Variants in ATXN10 observed in about 807,000 individuals in gnomAD.
The protein encoded by ATXN10 is ataxin-10.
ATXN10 carries 28 observed loss-of-function variants against 52.9 expected under a neutral mutation model. The ratio of observed to expected loss-of-function variants is 0.53; its 90% confidence interval spans 0.39 to 0.73. The LOEUF (loss-of-function observed/expected upper bound fraction) is 0.73. ATXN10 is among the 30% of genes least tolerant of loss of function. ATXN10 has a pLI of 0.00. For synonymous variants in ATXN10, 226 were observed against 221.5 expected (o/e 1.02, Z -0.18); for missense variants, 565 against 577.0 (o/e 0.98, Z 0.21).
rs191560170 is a variant in ATXN10 at position 45,795,598 on chromosome 22, G to C, written c.1174-11361G>C. On this transcript the variant is annotated intron_variant, in intron 9 of 11. Coordinates refer to ENST00000252934, the MANE Select transcript of ATXN10 (RefSeq NM_013236.4). The surrounding 1 kb of genome is among the most constrained non-coding windows in gnomAD (Gnocchi z 4.6). The stretch of plus-strand genomic sequence containing the variant: ...TAATTTTTGTATTTTTAGTAGAGAC[G>C]GTGTTTCGGGAAGTCAGGGACCCTG... 1.3e-5 allele frequency among the ~76,000 whole-genome samples: 2 copies of C among 151,988 alleles called. No individual in the cohort carries two copies. Among genetic ancestry groups the C allele is most frequent in the Admixed American group, 6.6e-5 (1 of 15,238 alleles).
chr22:45,792,159 T>G (rs1927535950), intron 9 of ATXN10, among the ~76,000 whole-genome samples: 1 of 152,184 alleles, frequency 6.6e-6, no homozygotes, highest in Non-Finnish European at 1.5e-5. Flanking sequence ...AAAATAGAAG[T>G]CAATTCTACC....
rs564371260 is a variant in ATXN10 at position 45,763,204 on chromosome 22, G to C, written c.1173+22666G>C. On this transcript the variant is annotated intron_variant, in intron 9 of 11. Transcript: ENST00000252934. The surrounding 1 kb of genome is among the most constrained non-coding windows in gnomAD (Gnocchi z 6.9). ...GGGAGGGCTGCCGGGCAGTGTTCTG[G>C]GGGCAGGGAGGTGGTGGGAGAATCT... is the stretch of plus-strand genomic sequence containing the variant. 4.0e-4 allele frequency among the ~76,000 whole-genome samples: 61 copies of C among 152,284 alleles called. No individual in the cohort carries two copies. Among genetic ancestry groups the C allele is most frequent in the Non-Finnish European group, 6.6e-4 (45 of 68,020 alleles).
chr22:45,728,743 GA>G lies in ATXN10; in HGVS notation c.729-678del, dbSNP rs1456887506. ...TCCTAGGAGAAGGAAAGAGATGGTT[GA>G]AAAGAAATATTTATTTGGTAACTTA... is the stretch of plus-strand genomic sequence containing the variant. On this transcript the variant is annotated intron_variant, in intron 6 of 11. Transcript: ENST00000252934. This position sits in a 1 kb window ranked among gnomAD's most constrained non-coding sequence, Gnocchi z 4.3. 3.3e-5 allele frequency among the ~76,000 whole-genome samples: 5 copies of G among 152,184 alleles called. No individual in the cohort carries two copies. The highest frequency in any genetic ancestry group is 7.3e-5 in the Non-Finnish European group (5 of 68,034).
intron 7 of ATXN10, among the ~76,000 whole-genome samples, chr22:45,730,123 C>T (rs982881525): frequency 2.0e-5 from 3 of 152,106 alleles, no homozygotes; most frequent in East Asian, 1.9e-4. Flanking sequence ...GCGGGAGGAT[C>T]GCTTGAGCCC....
rs1412937483 is a variant in ATXN10, at chr22:45,780,974, G to A, written c.1174-25985G>A. 6.6e-6 allele frequency among the ~76,000 whole-genome samples: 1 copy of A among 152,192 alleles called. No homozygotes were observed. On this transcript the variant is annotated intron_variant, in intron 9 of 11. Coordinates refer to ENST00000252934, the MANE Select transcript of ATXN10 (RefSeq NM_013236.4). The surrounding 1 kb of genome is among the most constrained non-coding windows in gnomAD (Gnocchi z 4.0). Reference sequence around the variant, plus strand: ...GTGGCAAGTTCCCTGGGTTTTCTCAGACTGATTAATGTTAGAGAAGCTGTC... The same window carrying A: ...GTGGCAAGTTCCCTGGGTTTTCTCAAACTGATTAATGTTAGAGAAGCTGTC...
intron 2 of ATXN10, among the ~76,000 whole-genome samples, chr22:45,691,297 G>C (rs1420341313): frequency 6.6e-6 from 1 of 152,228 alleles, no homozygotes; most frequent in African/African-American, 2.4e-5. Context: ...GTGGCTGGCA[G>C]ATACACCTTT....
At chr22:45,809,151 A>C (rs1928198868) in intron 10 of ATXN10, among the ~76,000 whole-genome samples, 1 of 152,212 alleles carries the variant, frequency 6.6e-6, no homozygotes, top group Non-Finnish European at 1.5e-5. Flanking sequence ...CTATAAATTA[A>C]AATCTGGCCT....
rs193261592 is a variant in ATXN10 at position 45,780,382 on chromosome 22, C to A, written c.1174-26577C>A. 4.9e-4 allele frequency among the ~76,000 whole-genome samples: 74 copies of A among 152,324 alleles called. No homozygotes were observed. The highest frequency in any genetic ancestry group is 3.7e-3 in the East Asian group (19 of 5,184). ...TACAGGCATGAGCCACTGTGCCCGT[C>A]GGACTGTTTGCTCTCATGAGAGCAG... On this transcript the variant is annotated intron_variant, in intron 9 of 11. Transcript: ENST00000252934. The surrounding 1 kb of genome is among the most constrained non-coding windows in gnomAD (Gnocchi z 4.0).
At chr22:45,720,640 C>T (rs1924615475) in intron 6 of ATXN10, among the ~76,000 whole-genome samples, 1 of 152,096 alleles carries the variant, frequency 6.6e-6, no homozygotes, top group African/African-American at 2.4e-5. Flanking sequence ...AATGAGGTAC[C>T]ACTTGATACC....
rs1299895087 is a variant in ATXN10 at position 45,747,142 on chromosome 22, GT to G, written c.1173+6609del. On this transcript the variant is annotated intron_variant, in intron 9 of 11. Transcript: ENST00000252934. ...AATTCACTCTCTTTCCCAGATACAT[GT>G]TTTTCCTTCTTTATAGGAACCTAAC... Among the ~76,000 whole-genome samples the G allele has an allele frequency of 1.3e-5, 2 of 152,076 alleles. 1 individual carries two copies.
chr22:45,835,149 G>A lies in ATXN10; in HGVS notation c.1238-7842G>A, dbSNP rs543689364. 6.6e-5 allele frequency among the ~76,000 whole-genome samples: 10 copies of A among 152,272 alleles called. No homozygotes were observed. Among genetic ancestry groups the A allele is most frequent in the Non-Finnish European group, 1.0e-4 (7 of 68,026 alleles). On this transcript the variant is annotated intron_variant, in intron 10 of 11. Coordinates refer to ENST00000252934, the MANE Select transcript of ATXN10 (RefSeq NM_013236.4). This position sits in a 1 kb window ranked among gnomAD's most constrained non-coding sequence, Gnocchi z 5.0. Reference sequence around the variant, plus strand: ...GTACCTGTGAGCGCGGCCCTCCATCGGCCACAGAAGCTTTTGGAGTGGGCA... The same window carrying A: ...GTACCTGTGAGCGCGGCCCTCCATCAGCCACAGAAGCTTTTGGAGTGGGCA...
chr22:45,749,540 T>C (rs1426277498), intron 9 of ATXN10, among the ~76,000 whole-genome samples: 3 of 152,166 alleles, frequency 2.0e-5, no homozygotes, highest in Non-Finnish European at 2.9e-5. Flanking sequence ...TTAGTAAATG[T>C]AGTTTCTTTT....
At position 45,727,448 on chromosome 22, in the gene ATXN10, T is replaced by C. The variant is rs879638072; in HGVS notation, c.729-1977T>C. On this transcript the variant is annotated intron_variant, in intron 6 of 11. Coordinates refer to ENST00000252934, the MANE Select transcript of ATXN10 (RefSeq NM_013236.4). The surrounding 1 kb of genome is among the most constrained non-coding windows in gnomAD (Gnocchi z 4.6). Reference sequence around the variant, plus strand: ...ATCTTGGCTTACTGTAACCTCTGCCTCCTGGGTTCAAGTGATTCTTCCGCC... The same window carrying C: ...ATCTTGGCTTACTGTAACCTCTGCCCCCTGGGTTCAAGTGATTCTTCCGCC... 3.3e-4 allele frequency among the ~76,000 whole-genome samples: 51 copies of C among 152,296 alleles called. No homozygotes were observed. Among genetic ancestry groups the C allele is most frequent in the Middle Eastern group, 3.4e-3 (1 of 294 alleles).
At chr22:45,731,765 A>G (rs1925098589) in intron 7 of ATXN10, among the ~76,000 whole-genome samples, 1 of 152,212 alleles carries the variant, frequency 6.6e-6, no homozygotes, top group African/African-American at 2.4e-5. Context: ...ACTTTCGTTC[A>G]GGACCATTTT....
chr22:45,675,182 A>G (rs1922634075), intron 1 of ATXN10: 3 of 152,242 alleles, frequency 2.0e-5, no homozygotes, highest in African/African-American at 7.2e-5. Flanking sequence ...GTCTTATCAG[A>G]AACAAAAATT....
chr22:45,700,637 G>A (rs1923807311), intron 4 of ATXN10, among the ~76,000 whole-genome samples: 1 of 152,050 alleles, frequency 6.6e-6, no homozygotes, highest in African/African-American at 2.4e-5. Context: ...TGAGCTGTAT[G>A]TACACTTAAG....
rs1929133104 is a variant in ATXN10 at position 45,835,352 on chromosome 22, G to A, written c.1238-7639G>A. 6.6e-6 allele frequency among the ~76,000 whole-genome samples: 1 copy of A among 152,200 alleles called. No individual in the cohort carries two copies. The highest frequency in any genetic ancestry group is 6.5e-5 in the Admixed American group (1 of 15,282). Reference sequence around the variant, plus strand: ...AGCAAGGCCTGGACAGCGCACTGGTGCCACAGCCCTTCGCTCGGGCCCACG... The same window carrying A: ...AGCAAGGCCTGGACAGCGCACTGGTACCACAGCCCTTCGCTCGGGCCCACG... On this transcript the variant is annotated intron_variant, in intron 10 of 11. Transcript: ENST00000252934. This position sits in a 1 kb window ranked among gnomAD's most constrained non-coding sequence, Gnocchi z 5.0.
chr22:45,804,665 A>G (rs1284290857), intron 9 of ATXN10, among the ~76,000 whole-genome samples: 1 of 152,194 alleles, frequency 6.6e-6, no homozygotes, highest in Non-Finnish European at 1.5e-5. Context: ...TCTGAAAAGA[A>G]CTTTATTTTA....
At position 45,744,864 on chromosome 22, in the gene ATXN10, C is replaced by T. The variant is rs997416146; in HGVS notation, c.1173+4326C>T. The T allele has an allele frequency of 2.6e-5, 4 of 152,104 alleles. No individual in the cohort carries two copies. Among genetic ancestry groups the T allele is most frequent in the African/African-American group, 7.2e-5 (3 of 41,412 alleles). The allele number at this position is 152,104 out of a possible 1,614,324, so 9.4% of individuals were successfully genotyped here. ...AATCTGCACAGAAATGTATTTTATC[C>T]CAAATTCTCATGAGTCTTTAATGCT... On this transcript the variant is annotated intron_variant, in intron 9 of 11. Coordinates refer to ENST00000252934, the MANE Select transcript of ATXN10 (RefSeq NM_013236.4). The surrounding 1 kb of genome is among the most constrained non-coding windows in gnomAD (Gnocchi z 4.9).
Sources: gnomAD v4.1 joint callset for allele counts (sites outside exome capture counted in the v4.1 genomes callset) on GRCh38, gnomAD v4.1.1 for gene constraint, Gnocchi (gnomAD v3.1) non-coding constraint, MANE v1.5 for transcripts, NCBI Gene and HGNC (gene_info 2026-07-23, HGNC 2026-07-21) for gene names.